The following VWA3B variants were observed in gnomAD, a reference collection of about 807,000 sequenced individuals.
VWA3B encodes von Willebrand factor A domain-containing protein 3B.
In VWA3B, 138 loss-of-function variants were observed where a neutral mutation model predicts 158.3. That is an observed-to-expected ratio of 0.87 (90% confidence interval 0.76 to 1.00). VWA3B has a LOEUF of 1.00. Ranked by LOEUF, VWA3B falls within the 50% of genes least tolerant of loss-of-function variation. The pLI is 0.00. For missense variants in VWA3B, 1,555 were observed against 1,565.1 expected (o/e 0.99, Z 0.11); for synonymous variants, 596 against 587.3 (o/e 1.01, Z -0.21).
intron 22 of VWA3B, among the ~76,000 whole-genome samples, chr2:98,287,079 T>A (rs1459800850): frequency 6.6e-6 from 1 of 152,156 alleles, no homozygotes; most frequent in Non-Finnish European, 1.5e-5. Flanking sequence ...CAGGATTGCT[T>A]GGTGACTGAG....
intron 22 of VWA3B, among the ~76,000 whole-genome samples, chr2:98,279,977 G>A (rs1320732530): frequency 1.3e-5 from 2 of 152,236 alleles, no homozygotes; most frequent in Non-Finnish European, 1.5e-5. Context: ...TTGCACACCA[G>A]TCTCGTGTGA....
chr2:98,155,882 C>T (rs913277937), intron 7 of VWA3B, among the ~76,000 whole-genome samples: 2 of 152,120 alleles, frequency 1.3e-5, no homozygotes, highest in African/African-American at 2.4e-5. Flanking sequence ...CTGGAAATCA[C>T]CCAACTTTTT....
At chr2:98,140,030 G>A (rs540050450) in intron 7 of VWA3B, among the ~76,000 whole-genome samples, 5 of 151,640 alleles carry the variant, frequency 3.3e-5, no homozygotes, top group South Asian at 2.1e-4. Context: ...CAGAAGCGCC[G>A]CCTTAAGAGC....
intron 21 of VWA3B, among the ~76,000 whole-genome samples, chr2:98,267,376 C>T (rs62157890): frequency 0.039 from 5,891 of 152,094 alleles, 168 homozygotes; most frequent in Middle Eastern, 0.075. Flanking sequence ...ATTGAACCAG[C>T]CTTGCATCTC....
intron 2 of VWA3B, among the ~76,000 whole-genome samples, chr2:98,102,127 T>C (rs6742286): frequency 0.4 from 60,965 of 151,914 alleles, 14,133 homozygotes; most frequent in African/African-American, 0.64. Context: ...CATCTTGCAC[T>C]GCCCTTAATC....
chr2:98,138,056 A>G (rs1573875044), intron 7 of VWA3B, among the ~76,000 whole-genome samples: 1 of 152,184 alleles, frequency 6.6e-6, no homozygotes, highest in African/African-American at 2.4e-5. Context: ...ACATGGCTCC[A>G]TGTGGCCCTG....
intron 26 of VWA3B, among the ~76,000 whole-genome samples, chr2:98,306,587 G>A (rs1211131752): frequency 6.6e-6 from 1 of 152,144 alleles, no homozygotes; most frequent in Non-Finnish European, 1.5e-5. Context: ...GTCCCTGTGG[G>A]TCTTGCTTCT....
At chr2:98,252,196 G>C (rs1405316185) in intron 20 of VWA3B, among the ~76,000 whole-genome samples, 1 of 152,150 alleles carries the variant, frequency 6.6e-6, no homozygotes, top group Non-Finnish European at 1.5e-5. Context: ...GTGGCTTGGT[G>C]ACCATCTCTG....
chr2:98,105,870 C>G (rs567096207), intron 2 of VWA3B, among the ~76,000 whole-genome samples: 1 of 152,008 alleles, frequency 6.6e-6, no homozygotes, highest in African/African-American at 2.4e-5. Flanking sequence ...TTGGTTGTGC[C>G]TATATTTCCA....
Position 98,312,206 on chromosome 2 carries a change from C to T in VWA3B, c.3742C>T (p.His1248Tyr), listed in dbSNP as rs1340675923. ...CTGAACTCTGCTTCCCCAGACAGCC[C>T]ACCTCCACTTCCCCGCGGCCGGGCG... ...QGTHPEPRTA[H>Y]LHFPAAGRLG... The change falls in exon 28 of 28, where the codon CAC becomes TAC. Residue 1248 changes from histidine (H) to tyrosine (Y), a missense_variant. Physicochemically the swap from His to Tyr is moderately conservative, Grantham distance 83 (BLOSUM62 2). Coordinates refer to ENST00000477737, the MANE Select transcript of VWA3B (RefSeq NM_144992.5). 1 of 1,614,186 alleles carries T rather than the reference C, an allele frequency of 6.2e-7. No homozygotes were observed. The highest frequency in any genetic ancestry group is 2.2e-5 in the East Asian group (1 of 44,886).
In VWA3B at chr2:98,313,034, T is replaced by G. The variant is rs1366508067; in HGVS notation, c.*685T>G. ...AAGTATTCAGTTGTGTTTACTAACT[T>G]CAAAAATGAAATCGCTCCATCAAAT... On this transcript the variant is annotated 3_prime_UTR_variant, in exon 28 of 28. Transcript: ENST00000477737. 2 of 152,226 alleles carry G rather than the reference T, an allele frequency of 1.3e-5. No homozygotes were observed. The highest frequency in any genetic ancestry group is 2.9e-5 in the Non-Finnish European group (2 of 68,048). The allele number at this position is 152,226 out of a possible 1,614,324, so 9.4% of individuals were successfully genotyped here. A position where few individuals can be genotyped will look rare whatever the true frequency, so the allele number is the denominator to read the frequency against.
the VWA3B span, among the ~76,000 whole-genome samples, chr2:98,327,643 G>C: frequency 6.6e-6 from 1 of 152,094 alleles, no homozygotes; most frequent in Non-Finnish European, 1.5e-5. Context: ...AGGAAAACAG[G>C]AAAAGAACTT....
At chr2:98,279,555 C>T (rs1688745245) in intron 22 of VWA3B, among the ~76,000 whole-genome samples, 1 of 152,184 alleles carries the variant, frequency 6.6e-6, no homozygotes, top group Admixed American at 6.5e-5. Flanking sequence ...ATTCATTCAG[C>T]ACAAGTGAAG....
At chr2:98,287,281 C>A (rs532316278) in intron 22 of VWA3B, among the ~76,000 whole-genome samples, 1 of 152,166 alleles carries the variant, frequency 6.6e-6, no homozygotes, top group Non-Finnish European at 1.5e-5. Context: ...AAACCCACCA[C>A]TAGCTTGGTG....
At chr2:98,187,593 A>C (rs767009906) in intron 9 of VWA3B, among the ~76,000 whole-genome samples, 1 of 151,626 alleles carries the variant, frequency 6.6e-6, no homozygotes, top group Non-Finnish European at 1.5e-5. Context: ...ACCCAGTGCC[A>C]GGGACTGAGT....
intron 12 of VWA3B, among the ~76,000 whole-genome samples, chr2:98,199,620 T>G (rs1448524838): frequency 3.3e-5 from 5 of 152,214 alleles, no homozygotes; most frequent in Admixed American, 3.3e-4. Context: ...TATAATGGAC[T>G]GTGAGCATGC....
intron 24 of VWA3B, among the ~76,000 whole-genome samples, chr2:98,299,368 C>A (rs936820210): frequency 3.3e-5 from 5 of 152,236 alleles, no homozygotes; most frequent in Non-Finnish European, 7.3e-5. Flanking sequence ...ATGTCTGGCT[C>A]ATCCTCTTGC....
At position 98,300,089 on chromosome 2, in the gene VWA3B, A is replaced by G. The variant is rs763950263; in HGVS notation, c.3293A>G (p.Tyr1098Cys). Reference sequence around the variant, plus strand: ...TGTTCTCCTCTGCAGGTTGGAGATTATGTGTTTGCCAAAATTGTGATACCC... The same window carrying G: ...TGTTCTCCTCTGCAGGTTGGAGATTGTGTGTTTGCCAAAATTGTGATACCC... ...MPCPLLQVGD[Y>C]VFAKIVIPKG... The change falls in exon 25 of 28, where the codon TAT (tyrosine) becomes TGT (cysteine). Residue 1098 changes from tyrosine (Y) to cysteine (C), a missense_variant. Tyr to Cys is a radical substitution (Grantham distance 194). Coordinates refer to ENST00000477737, the MANE Select transcript of VWA3B (RefSeq NM_144992.5). The G allele has an allele frequency of 1.9e-6, 3 of 1,614,102 alleles. No homozygotes were observed. The highest frequency in any genetic ancestry group is 1.3e-5 in the African/African-American group (1 of 74,944).
intron 8 of VWA3B, 35 bp from the exon 9 acceptor site, chr2:98,180,981 G>A (rs1201702752): frequency 1.2e-6 from 2 of 1,605,690 alleles, no homozygotes; most frequent in Non-Finnish European, 1.7e-6. Flanking sequence ...AATGGCTCAT[G>A]CAGTATGAAT....
Sources: allele counts gnomAD v4.1 joint callset (sites outside exome capture counted in the v4.1 genomes callset), GRCh38; gene constraint gnomAD v4.1.1; transcripts MANE v1.5; gene names NCBI Gene and HGNC (gene_info 2026-07-23, HGNC 2026-07-21).